The following ARL8B variants were observed in gnomAD, a reference collection of about 807,000 sequenced individuals.
ARL8B encodes ARF like GTPase 8B.
A neutral mutation model predicts 30.6 loss-of-function variants in ARL8B; 9 were observed. That is an observed-to-expected ratio of 0.29 (90% CI 0.18 to 0.51). The LOEUF (loss-of-function observed/expected upper bound fraction) is 0.51, where lower values mean the gene tolerates loss of function less well. Ranked by LOEUF, ARL8B falls within the 20% of genes least tolerant of loss-of-function variation. ARL8B has a pLI of 0.97. For synonymous variants in ARL8B, 74 were observed against 76.0 expected, an observed-to-expected ratio of 0.97 and a Z score of 0.14; for missense variants, 130 against 227.2, an observed-to-expected ratio of 0.57 and a Z score of 2.75.
chr3:5,138,724 G>A (rs1210205633), intron 1 of ARL8B, among the ~76,000 whole-genome samples: 1 of 152,120 alleles, frequency 6.6e-6, no homozygotes, highest in Non-Finnish European at 1.5e-5. Context: ...AATAAATAAT[G>A]ATTTTACTAT....
chr3:5,159,184 C>T (rs190893407), intron 1 of ARL8B, among the ~76,000 whole-genome samples: 3 of 151,592 alleles, frequency 2.0e-5, no homozygotes, highest in African/African-American at 7.3e-5. Context: ...CCTGTAGTCC[C>T]AGTTACTTGG....
rs531664639 is a variant in ARL8B at position 5,172,197 on chromosome 3, G to T, written c.252G>T (p.Arg84=). Residue 84 remains arginine (R), a synonymous_variant, in exon 3 of 7, where the codon CGG becomes CGT. Transcript: ENST00000256496. The stretch of plus-strand genomic sequence containing the variant: ...CCCGATTTCGAAGCATGTGGGAGCG[G>T]TATTGCAGAGGAGTCAATGCTATTG... ...GQPRFRSMWE[R]YCRGVNAIVY... is the part of the protein sequence containing the mutation. The T allele has an allele frequency of 1.4e-5, 22 of 1,613,594 alleles. 1 individual carries two copies. In the East Asian group the frequency reaches 3.6e-4, roughly 26 times the overall value.
intron 1 of ARL8B, among the ~76,000 whole-genome samples, chr3:5,143,336 G>A (rs1225198556): frequency 6.6e-6 from 1 of 150,948 alleles, no homozygotes; most frequent in Non-Finnish European, 1.5e-5. Flanking sequence ...TAACTTTAAG[G>A]GTTACTTAAA....
chr3:5,122,867 A>G (rs2054194941), intron 1 of ARL8B, among the ~76,000 whole-genome samples: 1 of 152,220 alleles, frequency 6.6e-6, no homozygotes, highest in African/African-American at 2.4e-5. Flanking sequence ...AAAGAGTTAA[A>G]TTGAACTCGT....
intron 1 of ARL8B, among the ~76,000 whole-genome samples, chr3:5,153,460 C>T (rs535913024): frequency 1.3e-5 from 2 of 152,130 alleles, no homozygotes; most frequent in African/African-American, 4.8e-5. Context: ...TGCCTTCCAC[C>T]GTGATTGTGA....
At chr3:5,123,371 A>AT (rs1219175895) in intron 1 of ARL8B, among the ~76,000 whole-genome samples, 4 of 152,210 alleles carry the variant, frequency 2.6e-5, no homozygotes, top group African/African-American at 9.6e-5. Flanking sequence ...GGCCTAGGGA[A>AT]TGGGTGGAAG....
At chr3:5,124,632 G>A (rs2054214221) in intron 1 of ARL8B, among the ~76,000 whole-genome samples, 1 of 151,652 alleles carries the variant, frequency 6.6e-6, no homozygotes, top group Admixed American at 6.6e-5. Flanking sequence ...ACCATGGCTC[G>A]CTATTTATTT....
intron 6 of ARL8B, among the ~76,000 whole-genome samples, chr3:5,176,653 T>C (rs777885712): frequency 6.6e-6 from 1 of 152,256 alleles, no homozygotes; most frequent in Non-Finnish European, 1.5e-5. Flanking sequence ...AATTTTCCTT[T>C]ATAAATGGAT....
At chr3:5,175,418 T>C (rs1351632472) in intron 6 of ARL8B, among the ~76,000 whole-genome samples, 2 of 152,224 alleles carry the variant, frequency 1.3e-5, no homozygotes, top group African/African-American at 4.8e-5. Context: ...CTGTGCTTTA[T>C]AACAAAATGG....
intron 1 of ARL8B, among the ~76,000 whole-genome samples, chr3:5,139,778 C>G (rs1360668245): frequency 2.0e-5 from 3 of 152,088 alleles, no homozygotes; most frequent in African/African-American, 7.2e-5. Context: ...AGAAATGAAA[C>G]TGAACGGGAA....
intron 4 of ARL8B, 99 bp downstream of exon 4, chr3:5,172,839 T>C (rs2054688027): frequency 2.5e-6 from 2 of 810,928 alleles, no homozygotes; most frequent in Admixed American, 2.6e-5. Context: ...ATCAGTAACA[T>C]GTCTTCATTT....
In ARL8B at chr3:5,147,177, A is replaced by T. The variant is rs1359070243; in HGVS notation, c.124-23326A>T. The stretch of plus-strand genomic sequence containing the variant: ...CTAATGCTATCCCCCGCCTCCTCCT[A>T]CCCCACGACAGGCCCTGGTATGTGA... On this transcript the variant is annotated intron_variant, in intron 1 of 6. Coordinates refer to ENST00000256496, the MANE Select transcript of ARL8B (RefSeq NM_018184.3). Among the ~76,000 whole-genome samples the T allele has an allele frequency of 2.6e-5, 4 of 151,486 alleles. No individual in the cohort carries two copies. In the East Asian group the frequency reaches 7.8e-4, roughly 29 times the overall value.
chr3:5,144,310 A>G (rs1384588823), intron 1 of ARL8B, among the ~76,000 whole-genome samples: 1 of 152,158 alleles, frequency 6.6e-6, no homozygotes, highest in African/African-American at 2.4e-5. Context: ...ATTTCTGTGA[A>G]ATTTATTTGA....
chr3:5,164,624 A>G (rs2054608979), intron 1 of ARL8B, among the ~76,000 whole-genome samples: 2 of 152,196 alleles, frequency 1.3e-5, no homozygotes. Context: ...AGTTTCTAAG[A>G]TTAGGGATGT....
At chr3:5,146,381 C>T (rs774843978) in intron 1 of ARL8B, among the ~76,000 whole-genome samples, 17 of 152,176 alleles carry the variant, frequency 1.1e-4, no homozygotes, top group Non-Finnish European at 2.5e-4. Flanking sequence ...GGCTTTTTGA[C>T]TGGGAGAATT....
chr3:5,159,544 G>T (rs1461057973), intron 1 of ARL8B, among the ~76,000 whole-genome samples: 1 of 148,886 alleles, frequency 6.7e-6, no homozygotes, highest in Non-Finnish European at 1.5e-5. Context: ...GGAGTTTGGG[G>T]TGAGCTGAGA....
At chr3:5,164,954 T>G (rs937718057) in intron 1 of ARL8B, among the ~76,000 whole-genome samples, 1 of 152,212 alleles carries the variant, frequency 6.6e-6, no homozygotes, top group African/African-American at 2.4e-5. Context: ...TTTGGGTTTG[T>G]CTGATGATTA....
Position 5,131,475 on chromosome 3 carries a change from C to T in ARL8B, c.123+8887C>T, listed in dbSNP as rs191729431. On this transcript the variant is annotated intron_variant, in intron 1 of 6. Transcript: ENST00000256496. ...GCGCGATCTCGGCTCACTGCAACCT[C>T]CGCCTCCCGAGTTCAAGCGATTCTC... 7.8e-4 allele frequency among the ~76,000 whole-genome samples: 119 copies of T among 151,608 alleles called. 1 individual carries two copies. Among genetic ancestry groups the T allele is most frequent in the African/African-American group, 2.8e-3 (117 of 41,344 alleles).
At chr3:5,151,274 CT>C (rs2054480729) in intron 1 of ARL8B, among the ~76,000 whole-genome samples, 1 of 152,006 alleles carries the variant, frequency 6.6e-6, no homozygotes, top group Admixed American at 6.6e-5. Flanking sequence ...GACATTTCTT[CT>C]TTTCTAATAT....
Sources: gnomAD v4.1 joint callset for allele counts (sites outside exome capture counted in the v4.1 genomes callset) on GRCh38, gnomAD v4.1.1 for gene constraint, MANE v1.5 for transcripts, NCBI Gene and HGNC (gene_info 2026-07-23, HGNC 2026-07-21) for gene names.